HSD17B3: variants seen among roughly 807,000 people sequenced by gnomAD.
HSD17B3 encodes hydroxysteroid 17-beta dehydrogenase 3.
A neutral mutation model predicts 41.1 loss-of-function variants in HSD17B3; 29 were observed. The observed-to-expected ratio is 0.71, with a 90% CI of 0.53 to 0.96. The LOEUF is 0.96. Among genes scored for constraint, HSD17B3 ranks in the 40% least tolerant of loss-of-function variants. The pLI, the probability that HSD17B3 is intolerant of heterozygous loss-of-function variation, is 0.00. For synonymous variants in HSD17B3, 126 were observed against 145.6 expected, an observed-to-expected ratio of 0.87 and a Z score of 0.97; for missense variants, 323 against 374.6, an observed-to-expected ratio of 0.86 and a Z score of 1.14.
At position 96,295,819 on chromosome 9, in the gene HSD17B3, G is replaced by A. The variant is rs886367578; in HGVS notation, c.201+2597C>T. Among the ~76,000 whole-genome samples, 78 of 152,232 alleles carry A rather than the reference G, an allele frequency of 5.1e-4. 1 individual carries two copies. The highest frequency in any genetic ancestry group is 1.6e-3 in the African/African-American group (66 of 41,518). On this transcript the variant is annotated intron_variant, in intron 2 of 10. Transcript: ENST00000375263. Reference sequence around the variant, plus strand: ...GTTGAATGCATTTTTCATATGAACCGAATGTTTTGTGGCCCCCCCAAAATT... The same window carrying A: ...GTTGAATGCATTTTTCATATGAACCAAATGTTTTGTGGCCCCCCCAAAATT...
chr9:96,282,645 C>T lies in HSD17B3; in HGVS notation c.201+15771G>A, dbSNP rs535777856. Among the ~76,000 whole-genome samples the T allele has an allele frequency of 3.9e-5, 6 of 152,304 alleles. No individual in the cohort carries two copies. In the East Asian group the frequency reaches 1.2e-3, roughly 29 times the overall value. On this transcript the variant is annotated intron_variant, in intron 2 of 10. Transcript: ENST00000375263. ...CCTGAGCTAGGCTCCACACTTGGCA[C>T]ATGATTAAAATTGCTTCCTAACCAG...
At chr9:96,274,007 A>G (rs186434156) in intron 2 of HSD17B3, among the ~76,000 whole-genome samples, 2 of 152,370 alleles carry the variant, frequency 1.3e-5, no homozygotes, top group East Asian at 1.9e-4. Context: ...TCCAAGGAAC[A>G]TGAAAAATCA....
chr9:96,260,958 T>C (rs1825834332), intron 2 of HSD17B3, among the ~76,000 whole-genome samples: 1 of 152,136 alleles, frequency 6.6e-6, no homozygotes, highest in African/African-American at 2.4e-5. Flanking sequence ...CCTTCCCGTC[T>C]TGTTTCAGGT....
chr9:96,238,000 T>C (rs1267212799), intron 10 of HSD17B3, among the ~76,000 whole-genome samples: 1 of 151,984 alleles, frequency 6.6e-6, no homozygotes, highest in Non-Finnish European at 1.5e-5. Context: ...CTGGATGTAG[T>C]GGCATGTGCC....
At chr9:96,282,236 CT>C (rs1172092281) in intron 2 of HSD17B3, among the ~76,000 whole-genome samples, 2 of 151,908 alleles carry the variant, frequency 1.3e-5, no homozygotes, top group Non-Finnish European at 2.9e-5. Context: ...TATTCTCTGT[CT>C]GTGTATTTAT....
intron 10 of HSD17B3, among the ~76,000 whole-genome samples, chr9:96,237,826 G>GAAATTAAAA (rs1427639740): frequency 1.3e-5 from 2 of 152,178 alleles, no homozygotes; most frequent in Admixed American, 6.5e-5. Context: ...GAAATTAAAA[G>GAAATTAAAA]GAAAGGTCAA....
intron 6 of HSD17B3, chr9:96,247,211 C>A (rs1836703012): frequency 6.4e-6 from 1 of 155,474 alleles, no homozygotes; most frequent in African/African-American, 2.4e-5. Flanking sequence ...CTTTTTGTTT[C>A]AAAATTACAA....
At chr9:96,275,280 T>C (rs1203707691) in intron 2 of HSD17B3, among the ~76,000 whole-genome samples, 1 of 152,046 alleles carries the variant, frequency 6.6e-6, no homozygotes, top group African/African-American at 2.4e-5. Context: ...ACAAATCATA[T>C]GAAAGCATTA....
chr9:96,261,936 G>A (rs544916170), intron 2 of HSD17B3, among the ~76,000 whole-genome samples: 26 of 152,304 alleles, frequency 1.7e-4, no homozygotes, highest in Admixed American at 5.2e-4. Context: ...CACAGGTTCA[G>A]CACTTGGACT....
At chr9:96,261,462 T>C (rs1825854879) in intron 2 of HSD17B3, among the ~76,000 whole-genome samples, 1 of 152,218 alleles carries the variant, frequency 6.6e-6, no homozygotes, top group Non-Finnish European at 1.5e-5. Context: ...CCCAAAGTGC[T>C]GGGATTACAG....
intron 2 of HSD17B3, among the ~76,000 whole-genome samples, chr9:96,281,938 C>T (rs1826711206): frequency 6.6e-6 from 1 of 152,190 alleles, no homozygotes; most frequent in South Asian, 2.1e-4. Flanking sequence ...TGCTTGTCTC[C>T]TCTGTAAAGT....
intron 2 of HSD17B3, among the ~76,000 whole-genome samples, chr9:96,295,561 C>T (rs955640317): frequency 6.6e-6 from 1 of 151,912 alleles, no homozygotes; most frequent in Non-Finnish European, 1.5e-5. Flanking sequence ...TCTGGAACTC[C>T]TGACCTCAGG....
chr9:96,288,916 G>A (rs553050870), intron 2 of HSD17B3, among the ~76,000 whole-genome samples: 5 of 146,510 alleles, frequency 3.4e-5, no homozygotes, highest in African/African-American at 1.3e-4. Flanking sequence ...CAGCCTGGGT[G>A]ACTGAGCAAG....
At chr9:96,267,714 A>AG (rs1357784839) in intron 2 of HSD17B3, among the ~76,000 whole-genome samples, 1 of 152,122 alleles carries the variant, frequency 6.6e-6, no homozygotes, top group African/African-American at 2.4e-5. Context: ...AGAAATTATG[A>AG]GAAAAAAAGG....
chr9:96,273,508 CAGACA>C (rs1348505706), intron 2 of HSD17B3, among the ~76,000 whole-genome samples: 1 of 152,208 alleles, frequency 6.6e-6, no homozygotes, highest in Non-Finnish European at 1.5e-5. Context: ...TCAGCCACCA[CAGACA>C]TCTGCCTCTT....
At chr9:96,240,327 C>T (rs1481473699) in intron 10 of HSD17B3, among the ~76,000 whole-genome samples, 1 of 152,182 alleles carries the variant, frequency 6.6e-6, no homozygotes, top group Non-Finnish European at 1.5e-5. Context: ...TTAAACTCAG[C>T]CATGCTGGAA....
chr9:96,252,888 C>T lies in HSD17B3; in HGVS notation c.300G>A (p.Val100=), dbSNP rs763240081. 4 of 1,610,964 alleles carry T rather than the reference C, an allele frequency of 2.5e-6. No homozygotes were observed. Among genetic ancestry groups the T allele is most frequent in the Non-Finnish European group, 2.5e-6 (3 of 1,177,800 alleles). ...TTGTAAAATCTGCTTGTATAATCTT[C>T]ACACTCCTCCCTGTAGTCCGCTCTA... ...TEIERTTGRS[V]KIIQADFTKD... Residue 100 remains valine (V), a synonymous_variant, in exon 4 of 11, where the codon GTG becomes GTA. Transcript: ENST00000375263.
In HSD17B3 at chr9:96,251,399, C is replaced by T. The variant is rs751558116; in HGVS notation, c.453+19G>A. On this transcript the variant is annotated intron_variant, in intron 5 of 10. Transcript: ENST00000375263. ...AACCTGGATAAGAGGAATCTATACA[C>T]AGAAGAGCACAAGTCTACCTGGATT... The T allele has an allele frequency of 5.6e-6, 9 of 1,610,198 alleles. No homozygotes were observed. Among genetic ancestry groups the T allele is most frequent in the Non-Finnish European group, 7.7e-6 (9 of 1,176,382 alleles).
intron 2 of HSD17B3, among the ~76,000 whole-genome samples, chr9:96,292,311 G>A (rs762523532): frequency 8.5e-5 from 13 of 152,150 alleles, no homozygotes; most frequent in Admixed American, 7.2e-4. Context: ...AAGAGGGCAG[G>A]GCTGAAAAAG....
Sources: gnomAD v4.1 joint callset for allele counts (sites outside exome capture counted in the v4.1 genomes callset) on GRCh38, gnomAD v4.1.1 for gene constraint, MANE v1.5 for transcripts, NCBI Gene and HGNC (gene_info 2026-07-23, HGNC 2026-07-21) for gene names.